The following RBMS3 variants were observed in gnomAD, a reference collection of about 807,000 sequenced individuals.
RBMS3 encodes the protein RNA-binding motif, single-stranded-interacting protein 3.
Under a neutral mutation model 66.8 loss-of-function variants are expected in RBMS3, and 27 were observed. The ratio of observed to expected loss-of-function variants is 0.40; its 90% CI spans 0.30 to 0.56. The LOEUF is 0.56. Among genes scored for constraint, RBMS3 ranks in the 20% least tolerant of loss-of-function variants. The pLI, the probability that RBMS3 is intolerant of heterozygous loss-of-function variation, is 0.40. For synonymous variants in RBMS3, 188 were observed against 183.0 expected (o/e 1.03, Z -0.22); for missense variants, 513 against 549.5 (o/e 0.93, Z 0.66).
chr3:29,412,463 C>T (rs1398962676), intron 1 of RBMS3, among the ~76,000 whole-genome samples: 1 of 152,120 alleles, frequency 6.6e-6, no homozygotes, highest in Admixed American at 6.6e-5. Flanking sequence ...CCTCAAGTTG[C>T]CATGTTTTCA....
At chr3:29,517,513 C>T (rs1216836980) in intron 3 of RBMS3, among the ~76,000 whole-genome samples, 3 of 151,868 alleles carry the variant, frequency 2.0e-5, no homozygotes, top group Admixed American at 6.6e-5. Context: ...TTAGTAGAGA[C>T]GGGATTTCAC....
chr3:29,424,970 C>A (rs1386674373), intron 1 of RBMS3, among the ~76,000 whole-genome samples: 1 of 151,974 alleles, frequency 6.6e-6, no homozygotes, highest in Admixed American at 6.6e-5. Context: ...TCCATTGTAG[C>A]TTATCACTGC....
At chr3:29,363,226 A>C (rs1217763406) in intron 1 of RBMS3, among the ~76,000 whole-genome samples, 1 of 152,164 alleles carries the variant, frequency 6.6e-6, no homozygotes, top group Admixed American at 6.5e-5. Flanking sequence ...CAATGTGTTT[A>C]TTTTACGATG....
chr3:30,002,339 A>G (rs1699648548), intron 14 of RBMS3, among the ~76,000 whole-genome samples: 1 of 151,940 alleles, frequency 6.6e-6, no homozygotes, highest in Admixed American at 6.6e-5. Context: ...TCAGTACACA[A>G]TAATACCAGA....
intron 6 of RBMS3, among the ~76,000 whole-genome samples, chr3:29,838,614 C>A (rs1298200636): frequency 1.3e-5 from 2 of 152,130 alleles, no homozygotes; most frequent in Non-Finnish European, 2.9e-5. Context: ...ATAAGACCAT[C>A]TGAGACATTT....
intron 4 of RBMS3, among the ~76,000 whole-genome samples, chr3:29,725,904 A>G (rs1349066037): frequency 6.6e-6 from 1 of 152,226 alleles, no homozygotes; most frequent in Non-Finnish European, 1.5e-5. Context: ...GAGACACAAC[A>G]AAAAAGAAAA....
At chr3:29,506,001 T>TA (rs1219440923) in intron 3 of RBMS3, among the ~76,000 whole-genome samples, 8 of 151,926 alleles carry the variant, frequency 5.3e-5, no homozygotes, top group Admixed American at 5.3e-4. Flanking sequence ...ACATTATAGA[T>TA]AAAATCATGT....
intron 5 of RBMS3, among the ~76,000 whole-genome samples, chr3:29,761,173 G>T (rs938538351): frequency 7.2e-5 from 11 of 152,116 alleles, no homozygotes; most frequent in African/African-American, 2.7e-4. Flanking sequence ...GGCTGTGTGT[G>T]AAGACATAGG....
intron 1 of RBMS3, among the ~76,000 whole-genome samples, chr3:29,375,012 A>G (rs4345032): frequency 0.33 from 50,619 of 152,110 alleles, 10,352 homozygotes; most frequent in Non-Finnish European, 0.47. Flanking sequence ...AAGAACAGAA[A>G]CATAGACCAA....
chr3:29,775,744 T>A (rs1310167830), intron 6 of RBMS3, among the ~76,000 whole-genome samples: 1 of 152,032 alleles, frequency 6.6e-6, no homozygotes, highest in Non-Finnish European at 1.5e-5. Context: ...TTGCTAGTTG[T>A]AGTACATGAT....
chr3:29,852,166 A>T (rs935393669), intron 6 of RBMS3, among the ~76,000 whole-genome samples: 2 of 152,338 alleles, frequency 1.3e-5, no homozygotes, highest in African/African-American at 4.8e-5. Flanking sequence ...TACACCATAT[A>T]CAAAAATTAA....
intron 7 of RBMS3, among the ~76,000 whole-genome samples, chr3:29,872,886 G>C (rs892472604): frequency 6.6e-6 from 1 of 152,136 alleles, no homozygotes; most frequent in Non-Finnish European, 1.5e-5. Context: ...TTTTGTTGAA[G>C]ATCAAATAGT....
chr3:29,632,013 T>C (rs12491273), intron 4 of RBMS3, among the ~76,000 whole-genome samples: 14,194 of 151,930 alleles, frequency 0.093, 1,187 homozygotes, highest in East Asian at 0.35. Context: ...TTTACAACAC[T>C]TCCTTGCAAA....
At chr3:29,620,406 T>C (rs1248517321) in intron 4 of RBMS3, among the ~76,000 whole-genome samples, 1 of 152,138 alleles carries the variant, frequency 6.6e-6, no homozygotes, top group Admixed American at 6.5e-5. Flanking sequence ...CTTTCATATA[T>C]TGAAGTTTAA....
At chr3:29,482,898 A>G (rs1416027648) in intron 2 of RBMS3, among the ~76,000 whole-genome samples, 1 of 150,768 alleles carries the variant, frequency 6.6e-6, no homozygotes, top group African/African-American at 2.4e-5. Context: ...AGTATAGACG[A>G]CGTTTCACCA....
At chr3:29,979,141 AGAAAC>A (rs1215271745) in intron 12 of RBMS3, among the ~76,000 whole-genome samples, 2 of 151,906 alleles carry the variant, frequency 1.3e-5, no homozygotes, top group Non-Finnish European at 2.9e-5. Flanking sequence ...TAAAACAAAA[AGAAAC>A]GAGAAGGAAA....
intron 6 of RBMS3, among the ~76,000 whole-genome samples, chr3:29,804,458 G>C (rs930899322): frequency 2.0e-4 from 31 of 151,714 alleles, no homozygotes; most frequent in African/African-American, 7.0e-4. Flanking sequence ...CTTGGCAAAT[G>C]GCAAAAAAGA....
intron 6 of RBMS3, among the ~76,000 whole-genome samples, chr3:29,818,484 G>A (rs1559704184): frequency 6.6e-6 from 1 of 151,358 alleles, no homozygotes; most frequent in Non-Finnish European, 1.5e-5. Flanking sequence ...CAATAATTCA[G>A]GCTTGATACA....
At chr3:29,837,646 C>CAT (rs111815039) in intron 6 of RBMS3, among the ~76,000 whole-genome samples, 83 of 105,104 alleles carry the variant, frequency 7.9e-4, no homozygotes, top group African/African-American at 2.7e-3. Context: ...ATATAATGAA[C>CAT]ATATATATAT....
Sources: allele counts gnomAD v4.1 joint callset (sites outside exome capture counted in the v4.1 genomes callset), GRCh38; gene constraint gnomAD v4.1.1; transcripts MANE v1.5; gene names NCBI Gene and HGNC (gene_info 2026-07-23, HGNC 2026-07-21).